SNX29: variants seen among roughly 807,000 people sequenced by gnomAD.
SNX29 encodes the protein sorting nexin 29.
In SNX29, 78 loss-of-function variants were observed where a neutral mutation model predicts 102.1. That is an observed-to-expected ratio of 0.76 (90% confidence interval 0.64 to 0.92). The LOEUF (loss-of-function observed/expected upper bound fraction) is 0.92. SNX29 is among the 40% of genes least tolerant of loss of function. The probability of loss-of-function intolerance (pLI) is 0.00; values close to 1 mark genes in which losing one functional copy is unlikely to be tolerated. For synonymous variants in SNX29, 580 were observed against 414.5 expected, an observed-to-expected ratio of 1.40 and a Z score of -4.85; for missense variants, 1,280 against 1,061.7, an observed-to-expected ratio of 1.21 and a Z score of -2.86.
chr16:12,415,281 T>G (rs1173290857), intron 18 of SNX29, among the ~76,000 whole-genome samples: 1 of 152,126 alleles, frequency 6.6e-6, no homozygotes, highest in Non-Finnish European at 1.5e-5. Context: ...GGCTGGGGAG[T>G]GGGCAGGACC....
intron 14 of SNX29, among the ~76,000 whole-genome samples, chr16:12,268,426 G>A (rs768486187): frequency 1.3e-5 from 2 of 152,192 alleles, no homozygotes; most frequent in African/African-American, 2.4e-5. Flanking sequence ...CTGTTTCATC[G>A]CAGAGCTCCG....
rs66825746 is a variant in SNX29 at position 12,557,015 on chromosome 16, A to ACACCCCCCC, written c.2319-11490_2319-11489insACCCCCCCC. On this transcript the variant is annotated intron_variant, in intron 20 of 20. Coordinates refer to ENST00000566228, the MANE Select transcript of SNX29 (RefSeq NM_032167.5). ...GGTACACACCACATCTGGCTAATTT[A>ACACCCCCCC]CCCCCCCCCCGCCCCAAGATGAGGT... 1.8e-3 allele frequency among the ~76,000 whole-genome samples: 56 copies of ACACCCCCCC among 31,830 alleles called. 8 individuals are homozygous for ACACCCCCCC. The highest frequency in any genetic ancestry group is 4.1e-3 in the Admixed American group (15 of 3,632). The allele number at this position is 31,830 out of a possible 152,430, so 20.9% of individuals were successfully genotyped here.
At chr16:12,152,638 A>T (rs1213314453) in intron 13 of SNX29, among the ~76,000 whole-genome samples, 3 of 152,236 alleles carry the variant, frequency 2.0e-5, no homozygotes, top group African/African-American at 7.2e-5. Flanking sequence ...CCTGCAGAAA[A>T]AGACTGACCT....
chr16:12,044,506 A>G (rs183095061), intron 5 of SNX29, among the ~76,000 whole-genome samples: 7 of 152,338 alleles, frequency 4.6e-5, no homozygotes, highest in Admixed American at 4.6e-4. Flanking sequence ...TCACGGTCAG[A>G]GTTCGGAGGC....
At position 12,052,168 on chromosome 16, in the gene SNX29, T is replaced by C; in HGVS notation, c.1070T>C (p.Val357Ala). ...GATGTGGATGAAAACGAAGATGACG[T>C]GTATGGAAACTCATCAGGAAGGAAG... ...DEDVDENEDD[V>A]YGNSSGRKHR... The change falls in exon 8 of 21, where the codon GTG (valine) becomes GCG (alanine). Residue 357 changes from valine to alanine, a missense_variant. Transcript: ENST00000566228. 1 of 1,613,856 alleles carries C rather than the reference T, an allele frequency of 6.2e-7. No homozygotes were observed.
chr16:12,352,500 A>G (rs1360359813), intron 15 of SNX29, among the ~76,000 whole-genome samples: 2 of 152,250 alleles, frequency 1.3e-5, no homozygotes, highest in East Asian at 3.9e-4. Flanking sequence ...CACGTACCCT[A>G]AAACTTAAAG....
intron 14 of SNX29, among the ~76,000 whole-genome samples, chr16:12,224,619 G>C (rs1182767190): frequency 6.6e-6 from 1 of 152,256 alleles, no homozygotes; most frequent in African/African-American, 2.4e-5. Flanking sequence ...AGGGAAGTGA[G>C]ATGGCCAAAG....
intron 14 of SNX29, among the ~76,000 whole-genome samples, chr16:12,255,413 GC>G (rs2078542818): frequency 6.6e-6 from 1 of 151,970 alleles, no homozygotes; most frequent in African/African-American, 2.4e-5. Context: ...GCTAGTGTGA[GC>G]CACTTTGTTC....
chr16:12,423,264 C>G (rs1038043608), intron 18 of SNX29, among the ~76,000 whole-genome samples: 1 of 151,896 alleles, frequency 6.6e-6, no homozygotes, highest in African/African-American at 2.4e-5. Flanking sequence ...GGAAAACATT[C>G]ATCACATAAA....
At chr16:12,481,543 CACACACACACA>C (rs1567608666) in intron 19 of SNX29, among the ~76,000 whole-genome samples, 16 of 150,426 alleles carry the variant, frequency 1.1e-4, no homozygotes, top group African/African-American at 2.4e-4. Context: ...CACACACACA[CACACACACACA>C]CCCCAAATGT....
At chr16:12,226,644 G>A (rs1186667559) in intron 14 of SNX29, among the ~76,000 whole-genome samples, 1 of 148,584 alleles carries the variant, frequency 6.7e-6, no homozygotes, top group South Asian at 2.1e-4. Context: ...TGCAATCTTG[G>A]CTCACTGCAA....
chr16:12,063,820 C>G (rs2050895583), intron 9 of SNX29, among the ~76,000 whole-genome samples: 1 of 151,686 alleles, frequency 6.6e-6, no homozygotes, highest in Non-Finnish European at 1.5e-5. Context: ...TCTCGTAGGC[C>G]TAGCTCATGT....
At chr16:12,259,810 C>G (rs900954168) in intron 14 of SNX29, among the ~76,000 whole-genome samples, 9 of 152,066 alleles carry the variant, frequency 5.9e-5, no homozygotes, top group Admixed American at 2.6e-4. Flanking sequence ...TCCCTCCCAG[C>G]CCTCCCCATG....
At chr16:11,999,864 G>T (rs539938671) in intron 2 of SNX29, among the ~76,000 whole-genome samples, 1 of 151,792 alleles carries the variant, frequency 6.6e-6, no homozygotes, top group African/African-American at 2.4e-5. Context: ...TTGCGCCACT[G>T]CACTCCAGCC....
intron 11 of SNX29, among the ~76,000 whole-genome samples, chr16:12,112,495 C>T (rs1046172603): frequency 6.6e-6 from 1 of 152,198 alleles, no homozygotes; most frequent in African/African-American, 2.4e-5. Flanking sequence ...ATGTACTAGG[C>T]TGCATGCGTG....
At chr16:12,189,388 C>T (rs964218009) in intron 13 of SNX29, among the ~76,000 whole-genome samples, 8 of 152,160 alleles carry the variant, frequency 5.3e-5, no homozygotes, top group Admixed American at 2.6e-4. Context: ...ATGACCTTGA[C>T]GTTTTTGAAG....
At chr16:12,235,878 A>G (rs1214406583) in intron 14 of SNX29, among the ~76,000 whole-genome samples, 2 of 152,082 alleles carry the variant, frequency 1.3e-5, no homozygotes, top group Non-Finnish European at 2.9e-5. Context: ...TTGGCAGTGT[A>G]TAGAAACCTT....
intron 13 of SNX29, among the ~76,000 whole-genome samples, chr16:12,159,774 A>T (rs1238779273): frequency 1.3e-5 from 2 of 152,216 alleles, no homozygotes; most frequent in South Asian, 2.1e-4. Context: ...CTCATACCTC[A>T]TGGGTAGTGG....
chr16:12,563,964 G>C (rs1401344479), intron 20 of SNX29, among the ~76,000 whole-genome samples: 1 of 151,264 alleles, frequency 6.6e-6, no homozygotes, highest in African/African-American at 2.5e-5. Flanking sequence ...ACGAGGAAGG[G>C]CTTTTCAGAT....
Sources: gnomAD v4.1 joint callset for allele counts (sites outside exome capture counted in the v4.1 genomes callset) on GRCh38, gnomAD v4.1.1 for gene constraint, MANE v1.5 for transcripts, NCBI Gene and HGNC (gene_info 2026-07-23, HGNC 2026-07-21) for gene names.